Variants in MAML2 observed in about 807,000 individuals in gnomAD.
MAML2 encodes mastermind like transcriptional coactivator 2.
Under a neutral mutation model 96.1 loss-of-function variants are expected in MAML2, and 22 were observed. The observed-to-expected ratio is 0.23, with a 90% CI of 0.16 to 0.33. MAML2 has a LOEUF of 0.33. Among genes scored for constraint, MAML2 ranks in the 10% least tolerant of loss-of-function variants. The probability of loss-of-function intolerance (pLI) is 1.00; values close to 1 mark genes in which losing one functional copy is unlikely to be tolerated. For missense variants in MAML2, 1,367 were observed against 1,392.4 expected, an observed-to-expected ratio of 0.98 and a Z score of 0.29; for synonymous variants, 561 against 521.3, an observed-to-expected ratio of 1.08 and a Z score of -1.04.
rs187982159 is a variant in MAML2, at chr11:95,994,499, G to C, written c.2140-2776C>G. On this transcript the variant is annotated intron_variant, in intron 2 of 4. Transcript: ENST00000524717. ...GTGTCTTGGAGGGCAAAAGGAGGAG[G>C]AAATACATGGAGGATTGGGGGCTGG... Among the ~76,000 whole-genome samples, 64 of 152,276 alleles carry C rather than the reference G, an allele frequency of 4.2e-4. 1 individual carries two copies. Among genetic ancestry groups the C allele is most frequent in the African/African-American group, 1.4e-3 (60 of 41,544 alleles).
intron 1 of MAML2, among the ~76,000 whole-genome samples, chr11:96,116,782 T>C (rs1860250595): frequency 6.6e-6 from 1 of 152,206 alleles, no homozygotes; most frequent in South Asian, 2.1e-4. Context: ...CAACTTTTAG[T>C]TTATCAAGAG....
At chr11:96,311,498 TAGC>T (rs1863540883) in intron 1 of MAML2, among the ~76,000 whole-genome samples, 1 of 152,210 alleles carries the variant, frequency 6.6e-6, no homozygotes, top group African/African-American at 2.4e-5. Flanking sequence ...GCAGCAGTAG[TAGC>T]AGAGGGTTGG....
intron 1 of MAML2, among the ~76,000 whole-genome samples, chr11:96,330,664 G>C (rs1863840639): frequency 6.6e-6 from 1 of 152,222 alleles, no homozygotes; most frequent in Admixed American, 6.5e-5. Context: ...CTGGGTCCAA[G>C]ATGGCCTCAC....
intron 1 of MAML2, among the ~76,000 whole-genome samples, chr11:96,149,601 A>C (rs1860886824): frequency 6.6e-6 from 1 of 151,744 alleles, no homozygotes; most frequent in Non-Finnish European, 1.5e-5. Flanking sequence ...GCATGGTGGC[A>C]TGTGCCTGTA....
intron 1 of MAML2, among the ~76,000 whole-genome samples, chr11:96,100,089 C>T (rs1404838078): frequency 6.6e-6 from 1 of 152,194 alleles, no homozygotes; most frequent in African/African-American, 2.4e-5. Context: ...TGTTGCCCCT[C>T]CTGATGGGAC....
chr11:96,036,673 A>G (rs115845859), intron 2 of MAML2, among the ~76,000 whole-genome samples: 2,464 of 152,278 alleles, frequency 0.016, 67 homozygotes, highest in African/African-American at 0.057. Context: ...ATCCTTATCT[A>G]TTTAAATTTA....
intron 2 of MAML2, among the ~76,000 whole-genome samples, chr11:96,038,360 A>G (rs1858752462): frequency 6.6e-6 from 1 of 152,264 alleles, no homozygotes; most frequent in Admixed American, 6.5e-5. Flanking sequence ...TGGTGAAACT[A>G]GATTTTGCGT....
At chr11:96,216,857 A>G (rs1466622216) in intron 1 of MAML2, among the ~76,000 whole-genome samples, 1 of 152,228 alleles carries the variant, frequency 6.6e-6, no homozygotes, top group African/African-American at 2.4e-5. Flanking sequence ...AGTAGAAGTC[A>G]GGGTGACTTT....
chr11:95,979,203 C>T lies in MAML2; in HGVS notation c.3216G>A (p.Ser1072=), dbSNP rs186503708. 47 of 1,613,920 alleles carry T rather than the reference C, an allele frequency of 2.9e-5. No homozygotes were observed. Among genetic ancestry groups the T allele is most frequent in the Admixed American group, 2.3e-4 (14 of 60,010 alleles). The change falls in exon 5 of 5, where the codon TCG becomes TCA. Residue 1072 remains serine (S), a synonymous_variant. Transcript: ENST00000524717. ...LNQSGTGLNQ[S]RTGINQPPSL... is the part of the protein sequence containing the mutation. ...ATGGTGGCTGGTTGATGCCCGTCCT[C>T]GACTGATTCAACCCTGTTCCTGACT...
chr11:96,321,634 GAAGT>G (rs1863701885), intron 1 of MAML2, among the ~76,000 whole-genome samples: 1 of 152,154 alleles, frequency 6.6e-6, no homozygotes, highest in South Asian at 2.1e-4. Flanking sequence ...GAGTGTGCAG[GAAGT>G]ATGTCTATAG....
At chr11:95,980,930 C>G (rs559203998) in intron 4 of MAML2, among the ~76,000 whole-genome samples, 1 of 152,268 alleles carries the variant, frequency 6.6e-6, no homozygotes, top group South Asian at 2.1e-4. Context: ...GACTGCTGGT[C>G]CTGGATGAAG....
At chr11:96,277,190 GC>G (rs1863001305) in intron 1 of MAML2, among the ~76,000 whole-genome samples, 1 of 152,124 alleles carries the variant, frequency 6.6e-6, no homozygotes, top group South Asian at 2.1e-4. Context: ...TTTTTACCAG[GC>G]CAGGAACTAT....
intron 2 of MAML2, among the ~76,000 whole-genome samples, chr11:96,088,194 G>A (rs535100740): frequency 6.6e-6 from 1 of 152,262 alleles, no homozygotes; most frequent in South Asian, 2.1e-4. Flanking sequence ...TGAGGAACTT[G>A]GCTTTAAACT....
intron 1 of MAML2, among the ~76,000 whole-genome samples, chr11:96,212,108 A>AGTGTGTGT (rs72133828): frequency 0.016 from 2,157 of 134,202 alleles, 38 homozygotes; most frequent in East Asian, 0.061. Context: ...AGGAAGACAA[A>AGTGTGTGT]GTGTGTGTGT....
At chr11:96,038,307 C>T (rs915306954) in intron 2 of MAML2, among the ~76,000 whole-genome samples, 1 of 152,166 alleles carries the variant, frequency 6.6e-6, no homozygotes, top group Non-Finnish European at 1.5e-5. Flanking sequence ...ACATCTTCAT[C>T]GTTCCTTATA....
chr11:96,144,382 C>T (rs1413861908), intron 1 of MAML2, among the ~76,000 whole-genome samples: 1 of 152,120 alleles, frequency 6.6e-6, no homozygotes, highest in African/African-American at 2.4e-5. Flanking sequence ...GTTAAATCTT[C>T]CAGTAAGCCA....
chr11:96,013,367 T>C (rs985515720), intron 2 of MAML2, among the ~76,000 whole-genome samples: 1 of 152,168 alleles, frequency 6.6e-6, no homozygotes, highest in Non-Finnish European at 1.5e-5. Flanking sequence ...CCATCTACAA[T>C]ATAAAAGCTA....
chr11:96,195,954 TTG>T (rs1183758479), intron 1 of MAML2, among the ~76,000 whole-genome samples: 1 of 152,220 alleles, frequency 6.6e-6, no homozygotes, highest in Non-Finnish European at 1.5e-5. Context: ...TACCAGTGGG[TTG>T]TGTTTATAGA....
intron 1 of MAML2, among the ~76,000 whole-genome samples, chr11:96,221,564 T>A (rs1377305774): frequency 6.6e-6 from 1 of 152,128 alleles, no homozygotes; most frequent in Non-Finnish European, 1.5e-5. Context: ...AAGGATAAAA[T>A]ATGGACAACT....
Sources: allele counts gnomAD v4.1 joint callset (sites outside exome capture counted in the v4.1 genomes callset), GRCh38; gene constraint gnomAD v4.1.1; transcripts MANE v1.5; gene names NCBI Gene and HGNC (gene_info 2026-07-23, HGNC 2026-07-21).